ADAMTS3: variants seen among roughly 807,000 people sequenced by gnomAD.
ADAMTS3 encodes ADAM metallopeptidase with thrombospondin type 1 motif 3.
ADAMTS3 carries 73 observed loss-of-function variants against 129.0 expected under a neutral mutation model. That is an observed-to-expected ratio of 0.57 (90% CI 0.47 to 0.69). The LOEUF is 0.69. Ranked by LOEUF, ADAMTS3 falls within the 30% of genes least tolerant of loss-of-function variation. The pLI, the probability that ADAMTS3 is intolerant of heterozygous loss-of-function variation, is 0.00. For synonymous variants in ADAMTS3, 477 were observed against 510.8 expected, an observed-to-expected ratio of 0.93 and a Z score of 0.89; for missense variants, 1,457 against 1,514.5, an observed-to-expected ratio of 0.96 and a Z score of 0.63.
chr4:72,329,237 G>A (rs1719776835), intron 5 of ADAMTS3, among the ~76,000 whole-genome samples: 1 of 152,094 alleles, frequency 6.6e-6, no homozygotes, highest in Admixed American at 6.6e-5. Context: ...ATGGGAATAG[G>A]TGTAATAAAG....
intron 4 of ADAMTS3, among the ~76,000 whole-genome samples, chr4:72,348,485 G>A (rs1560482037): frequency 1.3e-5 from 2 of 152,050 alleles, no homozygotes; most frequent in Non-Finnish European, 2.9e-5. Context: ...AATAGGCTCA[G>A]GAATGCAGCA....
At chr4:72,541,505 G>C (rs1165931330) in intron 3 of ADAMTS3, among the ~76,000 whole-genome samples, 1 of 152,204 alleles carries the variant, frequency 6.6e-6, no homozygotes, top group African/African-American at 2.4e-5. Flanking sequence ...TGAAATGTGA[G>C]GACATGAGAT....
At chr4:72,518,187 C>T (rs1720548649) in intron 3 of ADAMTS3, among the ~76,000 whole-genome samples, 1 of 152,060 alleles carries the variant, frequency 6.6e-6, no homozygotes, top group African/African-American at 2.4e-5. Context: ...TTTGATTGCA[C>T]TGTGGTCTGA....
intron 4 of ADAMTS3, among the ~76,000 whole-genome samples, chr4:72,365,014 GT>G (rs1246283880): frequency 2.0e-5 from 3 of 152,202 alleles, no homozygotes; most frequent in Non-Finnish European, 2.9e-5. Context: ...ACTTGACCAT[GT>G]TTCATTCCTG....
intron 3 of ADAMTS3, among the ~76,000 whole-genome samples, chr4:72,436,409 G>A (rs191326071): frequency 6.4e-4 from 98 of 152,236 alleles, no homozygotes; most frequent in African/African-American, 2.1e-3. Context: ...CTGTTGGTGG[G>A]ACTGTAAACT....
rs567072948 is a variant in ADAMTS3, at chr4:72,284,766, A to G, written c.3050-1062T>C. ...ACTTCATACTGCATGTGTACACATT[A>G]TTTTTATTACTTTAAAATTTTATTG... On this transcript the variant is annotated intron_variant, in intron 21 of 21. Transcript: ENST00000286657. 2.0e-5 allele frequency among the ~76,000 whole-genome samples: 3 copies of G among 152,298 alleles called. No homozygotes were observed. The East Asian group carries it at 5.8e-4, about 29-fold the overall frequency.
chr4:72,548,365 A>C, intron 3 of ADAMTS3, 113 bp downstream of exon 3: 1 of 1,141,834 alleles, frequency 8.8e-7, no homozygotes, highest in Non-Finnish European at 1.2e-6. Flanking sequence ...CTGAACTTAA[A>C]ATGTAACATA....
At chr4:72,338,766 T>C (rs1041894839) in intron 5 of ADAMTS3, among the ~76,000 whole-genome samples, 1 of 152,102 alleles carries the variant, frequency 6.6e-6, no homozygotes, top group African/African-American at 2.4e-5. Flanking sequence ...ATAGAGTACA[T>C]CAAAATCTCA....
chr4:72,448,808 T>C (rs962938172), intron 3 of ADAMTS3, among the ~76,000 whole-genome samples: 2 of 151,746 alleles, frequency 1.3e-5, no homozygotes, highest in Non-Finnish European at 2.9e-5. Flanking sequence ...AAAAGTATTA[T>C]AGAAGTGCAT....
intron 3 of ADAMTS3, among the ~76,000 whole-genome samples, chr4:72,506,938 G>A (rs1720175254): frequency 6.6e-6 from 1 of 152,086 alleles, no homozygotes; most frequent in Non-Finnish European, 1.5e-5. Flanking sequence ...CTATTTCCAA[G>A]TGCCTGAAGC....
At chr4:72,323,533 T>C (rs1457808295) in intron 5 of ADAMTS3, among the ~76,000 whole-genome samples, 1 of 152,042 alleles carries the variant, frequency 6.6e-6, no homozygotes, top group Non-Finnish European at 1.5e-5. Context: ...GGGTGCTACG[T>C]CTGGTTGAGA....
intron 3 of ADAMTS3, among the ~76,000 whole-genome samples, chr4:72,470,361 TTA>T (rs143241307): frequency 0.027 from 3,117 of 116,380 alleles, 152 homozygotes; most frequent in East Asian, 0.21. Flanking sequence ...TATTTTAAGT[TTA>T]TATATATATA....
chr4:72,470,704 C>T (rs192846364), intron 3 of ADAMTS3, among the ~76,000 whole-genome samples: 84 of 152,050 alleles, frequency 5.5e-4, no homozygotes, highest in African/African-American at 1.9e-3. Flanking sequence ...GGCAAAAAGG[C>T]AATGGTGAGT....
intron 4 of ADAMTS3, among the ~76,000 whole-genome samples, chr4:72,364,103 C>T (rs1393006047): frequency 6.6e-6 from 1 of 151,976 alleles, no homozygotes; most frequent in Non-Finnish European, 1.5e-5. Context: ...GTCAGGGAAC[C>T]TAGGAATCAT....
chr4:72,521,288 G>A (rs184894263), intron 3 of ADAMTS3, among the ~76,000 whole-genome samples: 78 of 152,232 alleles, frequency 5.1e-4, no homozygotes, highest in South Asian at 2.5e-3. Context: ...ATGAGCCACC[G>A]TGCTAGGTCA....
At chr4:72,457,974 A>C (rs1157438365) in intron 3 of ADAMTS3, among the ~76,000 whole-genome samples, 1 of 149,286 alleles carries the variant, frequency 6.7e-6, no homozygotes, top group African/African-American at 2.5e-5. Context: ...TGGGAGATTA[A>C]AGGACAGACA....
intron 2 of ADAMTS3, among the ~76,000 whole-genome samples, chr4:72,556,969 A>G (rs971598700): frequency 6.6e-6 from 1 of 151,662 alleles, no homozygotes; most frequent in African/African-American, 2.4e-5. Flanking sequence ...TAAATTCCAC[A>G]TCAACAGAGG....
At chr4:72,426,162 C>T (rs191915006) in intron 3 of ADAMTS3, among the ~76,000 whole-genome samples, 5 of 152,252 alleles carry the variant, frequency 3.3e-5, no homozygotes, top group Admixed American at 3.3e-4. Context: ...ATATCCTTCA[C>T]CCACTTGTTG....
chr4:72,507,890 A>C (rs1429891646), intron 3 of ADAMTS3, among the ~76,000 whole-genome samples: 1 of 152,106 alleles, frequency 6.6e-6, no homozygotes, highest in Non-Finnish European at 1.5e-5. Flanking sequence ...TCCTTTTTTG[A>C]CTTGCATATT....
Sources: allele counts gnomAD v4.1 joint callset (sites outside exome capture counted in the v4.1 genomes callset), GRCh38; gene constraint gnomAD v4.1.1; transcripts MANE v1.5; gene names NCBI Gene and HGNC (gene_info 2026-07-23, HGNC 2026-07-21).